The following RAD51B variants were observed in gnomAD, a reference collection of about 807,000 sequenced individuals.
The protein encoded by RAD51B is DNA repair protein RAD51 homolog 2.
Under a neutral mutation model 42.2 loss-of-function variants are expected in RAD51B, and 38 were observed. The ratio of observed to expected loss-of-function variants is 0.90; its 90% confidence interval spans 0.70 to 1.18. RAD51B has a LOEUF of 1.18. Ranked by LOEUF, RAD51B falls within the 50% of genes most tolerant of loss-of-function variation. The pLI, the probability that RAD51B is intolerant of heterozygous loss-of-function variation, is 0.00. For synonymous variants in RAD51B, 154 were observed against 145.2 expected (o/e 1.06, Z -0.43); for missense variants, 373 against 400.7 (o/e 0.93, Z 0.59).
chr14:68,563,942 AGAG>A, intron 10 of RAD51B: 1 of 979,924 alleles, frequency 1.0e-6, no homozygotes, highest in Non-Finnish European at 1.2e-6. Context: ...TGGCCCTGAT[AGAG>A]AACTCTTGGG....
intron 8 of RAD51B, among the ~76,000 whole-genome samples, chr14:68,375,170 A>G (rs1203204514): frequency 6.6e-6 from 1 of 152,010 alleles, no homozygotes; most frequent in Non-Finnish European, 1.5e-5. Flanking sequence ...AAGAAATAGC[A>G]CTTCAGGAGC....
exon 11 of RAD51B, chr14:68,611,134 A>C (rs1449913738): frequency 1.4e-6 from 1 of 702,982 alleles, no homozygotes; most frequent in African/African-American, 1.7e-5. Flanking sequence ...GCTGTTACCC[A>C]GTGTCTCCAT....
chr14:68,306,648 T>G, intron 8 of RAD51B: 1 of 515,068 alleles, frequency 1.9e-6, no homozygotes, highest in Non-Finnish European at 3.9e-6. Flanking sequence ...CTAATAAACA[T>G]TCTTGCAATT....
At chr14:68,607,208 C>G (rs1174399396) in intron 10 of RAD51B, among the ~76,000 whole-genome samples, 1 of 152,156 alleles carries the variant, frequency 6.6e-6, no homozygotes, top group African/African-American at 2.4e-5. Flanking sequence ...TAAGGGAGCT[C>G]CAGTGTTCCA....
rs142971890 is a variant in RAD51B at position 67,848,084 on chromosome 14, C to T, written c.315+12888C>T. On this transcript the variant is annotated intron_variant, in intron 4 of 10. Transcript: ENST00000471583. ...CCAGGCTGGAGTGCAGTGGCACGATCTCTGCTCACTCCAAACTCCGACTCC... is the reference window on the plus strand; with the variant it reads ...CCAGGCTGGAGTGCAGTGGCACGATTTCTGCTCACTCCAAACTCCGACTCC... Among the ~76,000 whole-genome samples, 959 of 152,318 alleles carry T rather than the reference C, an allele frequency of 6.3e-3. 12 individuals are homozygous for T. The highest frequency in any genetic ancestry group is 0.022 in the African/African-American group (927 of 41,566).
At chr14:68,422,441 A>G (rs1594812948) in intron 9 of RAD51B, among the ~76,000 whole-genome samples, 2 of 151,708 alleles carry the variant, frequency 1.3e-5, no homozygotes, top group African/African-American at 4.8e-5. Flanking sequence ...GACACCTGTA[A>G]TCCCAGCTAC....
intron 8 of RAD51B, among the ~76,000 whole-genome samples, chr14:68,386,053 G>A (rs567204557): frequency 2.2e-4 from 33 of 152,222 alleles, no homozygotes; most frequent in African/African-American, 5.8e-4. Flanking sequence ...TCTATTTCCC[G>A]TCTTCTTTCC....
intron 5 of RAD51B, among the ~76,000 whole-genome samples, chr14:67,868,224 G>A (rs1195219482): frequency 6.6e-6 from 1 of 152,176 alleles, no homozygotes; most frequent in Non-Finnish European, 1.5e-5. Context: ...GTCAGTGGGT[G>A]CCCGCACCAC....
chr14:68,120,852 T>C (rs1004533952), intron 7 of RAD51B, among the ~76,000 whole-genome samples: 1 of 152,216 alleles, frequency 6.6e-6, no homozygotes, highest in African/African-American at 2.4e-5. Flanking sequence ...CCCAAGTTTT[T>C]TTCCTTCTGA....
At chr14:68,300,988 T>C (rs796982495) in intron 8 of RAD51B, among the ~76,000 whole-genome samples, 5 of 152,294 alleles carry the variant, frequency 3.3e-5, no homozygotes, top group African/African-American at 1.2e-4. Flanking sequence ...AAGAGCAAAA[T>C]TACTCTCTAC....
At chr14:68,127,036 A>T (rs2077775398) in intron 7 of RAD51B, among the ~76,000 whole-genome samples, 1 of 152,194 alleles carries the variant, frequency 6.6e-6, no homozygotes, top group African/African-American at 2.4e-5. Context: ...AACCTTCTCC[A>T]GCACCCTTAA....
intron 10 of RAD51B, among the ~76,000 whole-genome samples, chr14:68,587,956 C>T (rs1260536014): frequency 3.9e-5 from 6 of 152,152 alleles, no homozygotes; most frequent in African/African-American, 7.2e-5. Flanking sequence ...CCTATAAACG[C>T]GGGCCTGGAA....
At chr14:68,626,830 C>T (rs748831249) in intron 10 of RAD51B, among the ~76,000 whole-genome samples, 13 of 152,170 alleles carry the variant, frequency 8.5e-5, no homozygotes, top group Non-Finnish European at 1.5e-4. Flanking sequence ...TGAGAAGCAG[C>T]TCATGAATCT....
chr14:68,191,164 G>A (rs1405659370), intron 7 of RAD51B, among the ~76,000 whole-genome samples: 1 of 152,180 alleles, frequency 6.6e-6, no homozygotes, highest in Non-Finnish European at 1.5e-5. Context: ...GATGGGAGAA[G>A]AAATGTAATT....
intron 7 of RAD51B, among the ~76,000 whole-genome samples, chr14:67,903,695 A>G (rs1255670099): frequency 6.6e-6 from 1 of 152,116 alleles, no homozygotes; most frequent in Non-Finnish European, 1.5e-5. Context: ...ACAACTGAGG[A>G]TAGCCATGTG....
At chr14:68,085,271 CAG>C (rs1189192902) in intron 7 of RAD51B, among the ~76,000 whole-genome samples, 1 of 152,114 alleles carries the variant, frequency 6.6e-6, no homozygotes, top group Non-Finnish European at 1.5e-5. Context: ...TCTAGAGACA[CAG>C]AGAGATTTAG....
chr14:68,656,297 C>G (rs949183947), intron 11 of RAD51B, among the ~76,000 whole-genome samples: 3 of 152,170 alleles, frequency 2.0e-5, no homozygotes, highest in Non-Finnish European at 4.4e-5. Context: ...CTCAGCCCAC[C>G]CACAGAGATG....
At chr14:68,380,915 C>A (rs987748182) in intron 8 of RAD51B, among the ~76,000 whole-genome samples, 2 of 152,192 alleles carry the variant, frequency 1.3e-5, no homozygotes, top group African/African-American at 4.8e-5. Flanking sequence ...ATGAGATGGG[C>A]ACTTCAAATA....
At position 68,171,282 on chromosome 14, in the gene RAD51B, G is replaced by A. The variant is rs142178074; in HGVS notation, c.757-120602G>A. Among the ~76,000 whole-genome samples, 22 of 152,178 alleles carry A rather than the reference G, an allele frequency of 1.4e-4. No homozygotes were observed. In the East Asian group the frequency reaches 3.3e-3, roughly 23 times the overall value. On this transcript the variant is annotated intron_variant, in intron 7 of 10. Transcript: ENST00000471583. ...GGAGAAAAGGATTCAAGACTACAGC[G>A]TCCTATTTTTTTTTGTTTGTTTGTT...
Sources: gnomAD v4.1 joint callset for allele counts (sites outside exome capture counted in the v4.1 genomes callset) on GRCh38, gnomAD v4.1.1 for gene constraint, MANE v1.5 for transcripts, NCBI Gene and HGNC (gene_info 2026-07-23, HGNC 2026-07-21) for gene names.